Variants in SBNO2 observed in about 807,000 individuals in gnomAD.
SBNO2 encodes the protein strawberry notch homolog 2, also known as protein strawberry notch homolog 2.
SBNO2 carries 89 observed loss-of-function variants against 146.3 expected under a neutral mutation model. The ratio of observed to expected loss-of-function variants is 0.61; its 90% CI spans 0.51 to 0.73. SBNO2 has a LOEUF of 0.73. SBNO2 is among the 30% of genes least tolerant of loss of function. SBNO2 has a pLI of 0.00. For synonymous variants in SBNO2, 1,147 were observed against 892.6 expected (o/e 1.29, Z -5.08); for missense variants, 2,092 against 2,003.7 (o/e 1.04, Z -0.84).
rs753388140 is a variant in SBNO2, at chr19:1,110,882, G to A, written c.2891C>T (p.Ser964Phe). The A allele has an allele frequency of 6.2e-7, 1 of 1,613,664 alleles. No individual in the cohort carries two copies. Among genetic ancestry groups the A allele is most frequent in the African/African-American group, 1.3e-5 (1 of 75,008 alleles). Residue 964 changes from serine to phenylalanine, a missense_variant, in exon 26 of 32, where the codon TCC (serine) becomes TTC (phenylalanine). By Grantham distance (155) the Ser-to-Phe change is radical. Transcript: ENST00000361757. This position sits in a 1 kb window ranked among gnomAD's most constrained non-coding sequence, Gnocchi z 4.9. ...GATGCGGTTCAGGAACTTGGTGATG[G>A]AACAGTCTGGTAGGGGAGGGAGCCA... ...NGCLDVEKDC[S>F]ITKFLNRILG...
At chr19:1,124,131 TC>T in intron 5 of SBNO2, 109 bp from the exon 6 acceptor site, 1 of 995,974 alleles carries the variant, frequency 1.0e-6, no homozygotes, top group Non-Finnish European at 1.5e-6. Context: ...CGTCCTCGCC[TC>T]CCCATCCTCG....
At position 1,108,130 on chromosome 19, in the gene SBNO2, TG is replaced by T; in HGVS notation, c.*89del. 7.5e-7 allele frequency: 1 copy of T among 1,335,886 alleles called. No homozygotes were observed. Among genetic ancestry groups the T allele is most frequent in the Non-Finnish European group, 9.8e-7 (1 of 1,016,906 alleles). The allele number at this position is 1,335,886 out of a possible 1,614,324, so 82.8% of individuals were successfully genotyped here. ...CAGGGCCTAGGGCTCCTCTGAGCAGTGGTCAGGGGACCTTGGCCCTGCTCCC... is the reference window on the plus strand; with the variant it reads ...CAGGGCCTAGGGCTCCTCTGAGCAGTGTCAGGGGACCTTGGCCCTGCTCCC... On this transcript the variant is annotated 3_prime_UTR_variant, in exon 32 of 32. Transcript: ENST00000361757.
At chr19:1,172,751 C>A (rs1317540381) in intron 1 of SBNO2, among the ~76,000 whole-genome samples, 2 of 149,488 alleles carry the variant, frequency 1.3e-5, no homozygotes, top group African/African-American at 5.0e-5. Flanking sequence ...GCTTCCTCTG[C>A]CCCTCTGTAA....
At chr19:1,154,590 A>G (rs925202777) in intron 1 of SBNO2, among the ~76,000 whole-genome samples, 188 bp from the exon 2 acceptor site, 2 of 151,146 alleles carry the variant, frequency 1.3e-5, no homozygotes, top group African/African-American at 4.9e-5. Context: ...GTGCCACCCA[A>G]CTCCTTTGTG....
Position 1,173,718 on chromosome 19 carries a change from G to A in SBNO2, c.-127+454C>T, listed in dbSNP as rs923414922. 1 of 152,358 alleles carries A rather than the reference G, an allele frequency of 6.6e-6. No individual in the cohort carries two copies. The highest frequency in any genetic ancestry group is 1.9e-4 in the East Asian group (1 of 5,162). The allele number at this position is 152,358 out of a possible 1,614,324, so 9.4% of individuals were successfully genotyped here. A position where few individuals can be genotyped will look rare whatever the true frequency, so the allele number is the denominator to read the frequency against. ...CGAGAGTCCCCAAAAGGGAAGGCCAGGATACCGAGGAAAAGCGGGTGCGGG... is the reference window on the plus strand; with the variant it reads ...CGAGAGTCCCCAAAAGGGAAGGCCAAGATACCGAGGAAAAGCGGGTGCGGG... On this transcript the variant is annotated intron_variant, in intron 1 of 31. Transcript: ENST00000361757. This position sits in a 1 kb window ranked among gnomAD's most constrained non-coding sequence, Gnocchi z 4.7.
At chr19:1,151,880 C>G (rs1024372321) in intron 2 of SBNO2, among the ~76,000 whole-genome samples, 7 of 152,222 alleles carry the variant, frequency 4.6e-5, no homozygotes, top group African/African-American at 1.7e-4. Context: ...CCAGGCCGGT[C>G]TCGAACTCCT....
chr19:1,154,303 G>A lies in SBNO2; in HGVS notation c.-27C>T, dbSNP rs1480787748. The stretch of plus-strand genomic sequence containing the variant: ...GGGCGGCAGGCGGGGTGGGGTCCTC[G>A]GCCGGGCAGCAGGCGGCGGGACTCC... On this transcript the variant is annotated 5_prime_UTR_variant, in exon 2 of 32. Coordinates refer to ENST00000361757, the MANE Select transcript of SBNO2 (RefSeq NM_014963.3). 1.3e-5 allele frequency: 16 copies of A among 1,225,304 alleles called. No individual in the cohort carries two copies. Among genetic ancestry groups the A allele is most frequent in the Middle Eastern group, 2.7e-4 (1 of 3,700 alleles). The allele number at this position is 1,225,304 out of a possible 1,614,324, so 75.9% of individuals were successfully genotyped here.
Position 1,158,693 on chromosome 19 carries a change from G to A in SBNO2, c.-126-4291C>T, listed in dbSNP as rs2080315295. Among the ~76,000 whole-genome samples the A allele has an allele frequency of 6.6e-6, 1 of 152,176 alleles. No individual in the cohort carries two copies. ...CGGCAGAGGCCACCGCACAGTCCCT[G>A]GAGGCCGCATTACCTCAGCCGAGGT... On this transcript the variant is annotated intron_variant, in intron 1 of 31. Transcript: ENST00000361757. This position sits in a 1 kb window ranked among gnomAD's most constrained non-coding sequence, Gnocchi z 9.9.
In SBNO2 at chr19:1,110,964, G is replaced by A. The variant is rs1027936814; in HGVS notation, c.2884+55C>T. 3.1e-6 allele frequency: 5 copies of A among 1,610,346 alleles called. No homozygotes were observed. The African/African-American group carries it at 6.7e-5, about 22-fold the overall frequency. On this transcript the variant is annotated intron_variant, in intron 25 of 31. Coordinates refer to ENST00000361757, the MANE Select transcript of SBNO2 (RefSeq NM_014963.3). This position sits in a 1 kb window ranked among gnomAD's most constrained non-coding sequence, Gnocchi z 4.9. ...TGCTTTGCTCACCACCCGAGGCCAAGGTTGCATGAGATGAGAGACAGGAGC... is the reference window on the plus strand; with the variant it reads ...TGCTTTGCTCACCACCCGAGGCCAAAGTTGCATGAGATGAGAGACAGGAGC...
chr19:1,115,859 A>T, intron 17 of SBNO2, 162 bp downstream of exon 17: 1 of 683,344 alleles, frequency 1.5e-6, no homozygotes, highest in Non-Finnish European at 2.7e-6. Flanking sequence ...TCCACGCAAG[A>T]CCTGCCACTG....
intron 15 of SBNO2, 104 bp from the exon 16 acceptor site, chr19:1,117,030 G>A: frequency 9.0e-7 from 1 of 1,116,716 alleles, no homozygotes; most frequent in Non-Finnish European, 1.3e-6. Context: ...TCACTCTGCT[G>A]CTGTGCTCGC....
At chr19:1,155,112 C>G (rs551765398) in intron 1 of SBNO2, 2 of 152,348 alleles carry the variant, frequency 1.3e-5, no homozygotes, top group East Asian at 3.9e-4. Context: ...CCCAGGCTGG[C>G]CCGTGGTGGC....
chr19:1,163,807 G>A (rs764401425), intron 1 of SBNO2, among the ~76,000 whole-genome samples: 20 of 152,192 alleles, frequency 1.3e-4, no homozygotes, highest in Non-Finnish European at 2.6e-4. Flanking sequence ...GGTGGGCCCG[G>A]CAGGAGGGCA....
intron 4 of SBNO2, among the ~76,000 whole-genome samples, chr19:1,142,207 C>A: frequency 0.012 from 2 of 166 alleles, no homozygotes; most frequent in African/African-American, 0.05. Flanking sequence ...CAATGACCTC[C>A]CTCATGATCA....
chr19:1,115,314 C>T (rs2079818133), intron 17 of SBNO2: 1 of 152,042 alleles, frequency 6.6e-6, no homozygotes, highest in African/African-American at 2.4e-5. Context: ...GATCTCGGCT[C>T]ACTGCAATCT....
chr19:1,114,521 C>T, intron 17 of SBNO2, 99 bp from the exon 18 acceptor site: 1 of 1,021,282 alleles, frequency 9.8e-7, no homozygotes. Flanking sequence ...GTGGTCCGAG[C>T]TGGGGAGGTC....
chr19:1,174,018 G>A (rs1305444605), intron 1 of SBNO2, among the ~76,000 whole-genome samples, 154 bp downstream of exon 1: 1 of 150,238 alleles, frequency 6.7e-6, no homozygotes, highest in African/African-American at 2.4e-5. Context: ...GCGGCGGAGG[G>A]CGGGGGTCCC....
chr19:1,170,767 C>T (rs2145364292), intron 1 of SBNO2, among the ~76,000 whole-genome samples: 1 of 152,238 alleles, frequency 6.6e-6, no homozygotes, highest in African/African-American at 2.4e-5. Flanking sequence ...ATAACGGACA[C>T]AGGTGCACAG....
At position 1,110,390 on chromosome 19, in the gene SBNO2, C is replaced by A. The variant is rs977050411; in HGVS notation, c.3028+355G>T. Among the ~76,000 whole-genome samples the A allele has an allele frequency of 1.3e-5, 2 of 152,154 alleles. No individual in the cohort carries two copies. Among genetic ancestry groups the A allele is most frequent in the East Asian group, 3.8e-4 (2 of 5,196 alleles). On this transcript the variant is annotated intron_variant, in intron 26 of 31. Transcript: ENST00000361757. The surrounding 1 kb of genome is among the most constrained non-coding windows in gnomAD (Gnocchi z 4.9). Reference sequence around the variant, plus strand: ...TGGGCAGCGTGCACCAGCCTGGGCACCTTCCAGAGACGTGCACGGTGATCC... The same window carrying A: ...TGGGCAGCGTGCACCAGCCTGGGCAACTTCCAGAGACGTGCACGGTGATCC...
Sources: allele counts gnomAD v4.1 joint callset (sites outside exome capture counted in the v4.1 genomes callset), GRCh38; gene constraint gnomAD v4.1.1; non-coding constraint Gnocchi (gnomAD v3.1); transcripts MANE v1.5; gene names NCBI Gene and HGNC (gene_info 2026-07-23, HGNC 2026-07-21).